The following EDIL3 variants were observed in gnomAD, a reference collection of about 807,000 sequenced individuals.
EDIL3 encodes EGF like and discoidin domains 3, also known as EGF-like repeat and discoidin I-like domain-containing protein 3.
A neutral mutation model predicts 67.4 loss-of-function variants in EDIL3; 37 were observed. That is an observed-to-expected ratio of 0.55 (90% CI 0.42 to 0.72). The LOEUF is 0.72. Ranked by LOEUF, EDIL3 falls within the 30% of genes least tolerant of loss-of-function variation. EDIL3 has a pLI of 0.00. For missense variants in EDIL3, 527 were observed against 586.3 expected (o/e 0.90, Z 1.04); for synonymous variants, 195 against 196.3 (o/e 0.99, Z 0.05).
In EDIL3 at chr5:84,352,265, CCAG is replaced by C. The variant is rs142800289; in HGVS notation, c.67+32040_67+32042del. On this transcript the variant is annotated intron_variant, in intron 1 of 10. Coordinates refer to ENST00000296591, the MANE Select transcript of EDIL3 (RefSeq NM_005711.5). ...GCCAAAGATAGAACTACCATTTGAT[CCAG>C]CAATCTCATTACCGGGTATTTACTC... is the stretch of plus-strand genomic sequence containing the variant. Among the ~76,000 whole-genome samples, 363 of 152,212 alleles carry C rather than the reference CCAG, an allele frequency of 2.4e-3. 1 individual carries two copies. The highest frequency in any genetic ancestry group is 8.5e-3 in the African/African-American group (354 of 41,540).
chr5:84,247,630 G>A (rs1744934398), intron 2 of EDIL3, among the ~76,000 whole-genome samples: 1 of 152,020 alleles, frequency 6.6e-6, no homozygotes, highest in Admixed American at 6.6e-5. Flanking sequence ...ACATTTAATA[G>A]AATCTGAATT....
chr5:84,249,941 A>G (rs1432098276), intron 2 of EDIL3, among the ~76,000 whole-genome samples: 1 of 152,010 alleles, frequency 6.6e-6, no homozygotes, highest in Non-Finnish European at 1.5e-5. Context: ...TAGAACATTT[A>G]TATATATATA....
At chr5:84,218,595 C>T (rs1247564102) in intron 3 of EDIL3, among the ~76,000 whole-genome samples, 1 of 152,158 alleles carries the variant, frequency 6.6e-6, no homozygotes, top group Admixed American at 6.5e-5. Flanking sequence ...GGGTAGAGCA[C>T]CAAGCAGGCT....
At chr5:84,122,442 A>G (rs1747793030) in intron 5 of EDIL3, among the ~76,000 whole-genome samples, 1 of 151,972 alleles carries the variant, frequency 6.6e-6, no homozygotes, top group Non-Finnish European at 1.5e-5. Flanking sequence ...TACATGTGCT[A>G]TGTTGGTGTG....
chr5:84,221,751 G>A (rs1268622510), intron 3 of EDIL3, among the ~76,000 whole-genome samples: 1 of 151,414 alleles, frequency 6.6e-6, no homozygotes, highest in Non-Finnish European at 1.5e-5. Flanking sequence ...TTTAATATTT[G>A]AGCCTGATTA....
intron 1 of EDIL3, among the ~76,000 whole-genome samples, chr5:84,343,709 C>T (rs1028142900): frequency 2.6e-5 from 4 of 151,976 alleles, no homozygotes; most frequent in Admixed American, 1.3e-4. Flanking sequence ...CTACAGGAGA[C>T]GTCAAATAGA....
chr5:84,166,925 A>C (rs1748714031), intron 4 of EDIL3, among the ~76,000 whole-genome samples: 1 of 152,176 alleles, frequency 6.6e-6, no homozygotes, highest in Admixed American at 6.6e-5. Flanking sequence ...GTGTGGCCAA[A>C]GTAGAATCAG....
At chr5:84,368,703 G>GA (rs201904519) in intron 1 of EDIL3, among the ~76,000 whole-genome samples, 2,876 of 151,598 alleles carry the variant, frequency 0.019, 94 homozygotes, top group African/African-American at 0.066. Context: ...CACGGAATGA[G>GA]AAAAAAAATT....
intron 4 of EDIL3, among the ~76,000 whole-genome samples, chr5:84,142,337 G>A (rs564770151): frequency 1.3e-5 from 2 of 152,114 alleles, no homozygotes; most frequent in South Asian, 4.1e-4. Flanking sequence ...GTTGGCCAGA[G>A]ATGAAACAGA....
chr5:84,138,169 C>T (rs948805781), intron 4 of EDIL3, among the ~76,000 whole-genome samples: 2 of 152,194 alleles, frequency 1.3e-5, no homozygotes, highest in African/African-American at 4.8e-5. Flanking sequence ...GGAGCCAGTA[C>T]AGTAGTTGGA....
intron 6 of EDIL3, among the ~76,000 whole-genome samples, chr5:84,105,354 T>C (rs902859496): frequency 1.3e-5 from 2 of 152,020 alleles, no homozygotes; most frequent in Non-Finnish European, 2.9e-5. Context: ...TAGAGCTCTA[T>C]AGATAAAAGA....
intron 10 of EDIL3, among the ~76,000 whole-genome samples, chr5:83,950,672 T>G (rs1744403267): frequency 6.6e-6 from 1 of 151,986 alleles, no homozygotes; most frequent in South Asian, 2.1e-4. Context: ...TTTCAATTTC[T>G]GGATGATATT....
chr5:84,344,673 T>C lies in EDIL3; in HGVS notation c.67+39635A>G, dbSNP rs1036920399. ...TAATATGTCATTAATGTTTTTATACTGTTAAACATTTAAATGAGAATAATT... is the reference window on the plus strand; with the variant it reads ...TAATATGTCATTAATGTTTTTATACCGTTAAACATTTAAATGAGAATAATT... On this transcript the variant is annotated intron_variant, in intron 1 of 10. Transcript: ENST00000296591. Among the ~76,000 whole-genome samples, 6 of 152,134 alleles carry C rather than the reference T, an allele frequency of 3.9e-5. No homozygotes were observed. In the South Asian group the frequency reaches 1.0e-3, roughly 26 times the overall value.
chr5:84,042,700 G>T (rs1261594152), intron 9 of EDIL3, among the ~76,000 whole-genome samples: 1 of 152,026 alleles, frequency 6.6e-6, no homozygotes, highest in Admixed American at 6.6e-5. Context: ...AAATATATTG[G>T]ATACAGATAT....
intron 2 of EDIL3, among the ~76,000 whole-genome samples, chr5:84,245,912 T>C (rs1357704406): frequency 1.4e-5 from 1 of 70,568 alleles, no homozygotes; most frequent in African/African-American, 6.5e-5. Flanking sequence ...TTTTCTAAAA[T>C]GTAAAAAAAA....
chr5:84,102,162 C>T (rs561109028), intron 6 of EDIL3, among the ~76,000 whole-genome samples: 1 of 152,096 alleles, frequency 6.6e-6, no homozygotes, highest in Admixed American at 6.6e-5. Flanking sequence ...ACTGAAAGAA[C>T]ATACCTCAAA....
At chr5:84,103,735 G>C (rs1266781678) in intron 6 of EDIL3, among the ~76,000 whole-genome samples, 4 of 152,058 alleles carry the variant, frequency 2.6e-5, no homozygotes, top group Admixed American at 2.0e-4. Context: ...TGGCAAGGTT[G>C]AGGAGAAAAG....
chr5:83,953,004 T>G (rs907801886), intron 10 of EDIL3, among the ~76,000 whole-genome samples: 2 of 151,858 alleles, frequency 1.3e-5, no homozygotes, highest in African/African-American at 4.8e-5. Flanking sequence ...TGGAGATGGA[T>G]GCAGGGGTGG....
chr5:84,129,056 A>G (rs982254570), intron 5 of EDIL3, among the ~76,000 whole-genome samples: 4 of 152,146 alleles, frequency 2.6e-5, no homozygotes, highest in Non-Finnish European at 4.4e-5. Context: ...TTCCTTTACT[A>G]CATTATAACT....
Sources: allele counts gnomAD v4.1 joint callset (sites outside exome capture counted in the v4.1 genomes callset), GRCh38; gene constraint gnomAD v4.1.1; transcripts MANE v1.5; gene names NCBI Gene and HGNC (gene_info 2026-07-23, HGNC 2026-07-21).